The following EPAS1 variants were observed in gnomAD, a reference collection of about 807,000 sequenced individuals.
EPAS1 encodes the protein endothelial PAS domain protein 1.
In EPAS1, 23 loss-of-function variants were observed where a neutral mutation model predicts 87.9. That is an observed-to-expected ratio of 0.26 (90% CI 0.19 to 0.37). The LOEUF is 0.37. EPAS1 is among the 10% of genes least tolerant of loss of function. The pLI, the probability that EPAS1 is intolerant of heterozygous loss-of-function variation, is 1.00. For synonymous variants in EPAS1, 508 were observed against 444.3 expected, an observed-to-expected ratio of 1.14 and a Z score of -1.80; for missense variants, 1,138 against 1,120.7, an observed-to-expected ratio of 1.02 and a Z score of -0.22.
intron 1 of EPAS1, among the ~76,000 whole-genome samples, chr2:46,316,322 A>T (rs1683315177): frequency 6.6e-6 from 1 of 151,844 alleles, no homozygotes; most frequent in Non-Finnish European, 1.5e-5. Flanking sequence ...GCAATGGGGC[A>T]ATCTTAGCTC....
At chr2:46,344,951 A>C (rs977770907) in intron 1 of EPAS1, among the ~76,000 whole-genome samples, 3 of 152,216 alleles carry the variant, frequency 2.0e-5, no homozygotes, top group South Asian at 2.1e-4. Context: ...CCAAATCTTG[A>C]GGGATTTGAG....
At chr2:46,343,692 G>A (rs765292887) in intron 1 of EPAS1, among the ~76,000 whole-genome samples, 7 of 152,224 alleles carry the variant, frequency 4.6e-5, no homozygotes, top group Non-Finnish European at 1.0e-4. Context: ...GAACCAAGAG[G>A]CTGCCTAAGA....
chr2:46,374,443 T>C (rs777693789), intron 7 of EPAS1, among the ~76,000 whole-genome samples: 7 of 152,254 alleles, frequency 4.6e-5, no homozygotes, highest in Non-Finnish European at 7.3e-5. Flanking sequence ...TCAACACTTA[T>C]GTACCTGATA....
At position 46,366,823 on chromosome 2, in the gene EPAS1, G is replaced by A. The variant is rs918745471; in HGVS notation, c.780-3004G>A. On this transcript the variant is annotated intron_variant, in intron 6 of 15. Transcript: ENST00000263734. The stretch of plus-strand genomic sequence containing the variant: ...TGTCTGGAGCCTGGGGGAAATGAGC[G>A]GGGAAGGCCCTTGTGTGCCGTAGGA... Among the ~76,000 whole-genome samples the A allele has an allele frequency of 5.3e-5, 8 of 152,364 alleles. No individual in the cohort carries two copies. The South Asian group carries it at 6.2e-4, about 12-fold the overall frequency.
intron 9 of EPAS1, among the ~76,000 whole-genome samples, chr2:46,377,528 C>G (rs1363306899): frequency 6.6e-6 from 1 of 152,212 alleles, no homozygotes; most frequent in African/African-American, 2.4e-5. Flanking sequence ...CAGTAGGTCT[C>G]GCGGCTTGTT....
rs76719506 is a variant in EPAS1, at chr2:46,330,430, T to G, written c.27-16443T>G. ...AGGCTACCTTCTGCCCAGCACCTAC[T>G]TAGTGTAGCTTATCTTTTAAAATAA... On this transcript the variant is annotated intron_variant, in intron 1 of 15. Coordinates refer to ENST00000263734, the MANE Select transcript of EPAS1 (RefSeq NM_001430.5). Among the ~76,000 whole-genome samples, 96 of 152,324 alleles carry G rather than the reference T, an allele frequency of 6.3e-4. 2 individuals are homozygous for G. The East Asian group carries it at 0.018, about 29-fold the overall frequency.
chr2:46,338,087 G>C (rs1007911493), intron 1 of EPAS1, among the ~76,000 whole-genome samples: 3 of 152,188 alleles, frequency 2.0e-5, no homozygotes, highest in Non-Finnish European at 4.4e-5. Context: ...TGAGGGACTT[G>C]CTTATTGGCC....
chr2:46,365,339 T>C (rs977971002), intron 6 of EPAS1, among the ~76,000 whole-genome samples: 1 of 152,216 alleles, frequency 6.6e-6, no homozygotes, highest in Non-Finnish European at 1.5e-5. Flanking sequence ...TGTTTTGTCA[T>C]TGCATTTAGG....
chr2:46,322,524 G>T (rs1422847127), intron 1 of EPAS1, among the ~76,000 whole-genome samples: 1 of 152,218 alleles, frequency 6.6e-6, no homozygotes, highest in East Asian at 1.9e-4. Context: ...CCGCAGGTCT[G>T]AGGTGGAGCC....
intron 1 of EPAS1, among the ~76,000 whole-genome samples, chr2:46,319,989 C>G (rs532843166): frequency 2.2e-4 from 33 of 152,262 alleles, no homozygotes; most frequent in Non-Finnish European, 3.8e-4. Context: ...CGGCAGAATG[C>G]GAGGATTTTT....
chr2:46,382,127 C>T, intron 14 of EPAS1, 38 bp downstream of exon 14: 1 of 1,591,452 alleles, frequency 6.3e-7, no homozygotes, highest in Non-Finnish European at 8.6e-7. Context: ...CCTGGGGGTT[C>T]TGGTGGAAGG....
Position 46,384,767 on chromosome 2 carries a change from C to G in EPAS1, c.*107C>G. 1.4e-6 allele frequency: 2 copies of G among 1,452,786 alleles called. No homozygotes were observed. The highest frequency in any genetic ancestry group is 1.2e-5 in the South Asian group (1 of 82,236). The allele number at this position is 1,452,786 out of a possible 1,614,324, so 90.0% of individuals were successfully genotyped here. A position where few individuals can be genotyped will look rare whatever the true frequency, so the allele number is the denominator to read the frequency against. On this transcript the variant is annotated 3_prime_UTR_variant, in exon 16 of 16. Transcript: ENST00000263734. The stretch of plus-strand genomic sequence containing the variant: ...ATTTCTAACGCCAGCACACTATTTA[C>G]AAGATGGACTTACCTGGCAGACTTG...
intron 2 of EPAS1, among the ~76,000 whole-genome samples, chr2:46,354,387 A>T (rs760418729): frequency 1.4e-4 from 21 of 152,114 alleles, no homozygotes; most frequent in Non-Finnish European, 1.6e-4. Context: ...GCACTGGATA[A>T]ATACAAATTT....
chr2:46,319,009 C>T (rs994292730), intron 1 of EPAS1, among the ~76,000 whole-genome samples: 3 of 152,206 alleles, frequency 2.0e-5, no homozygotes, highest in Admixed American at 6.5e-5. Flanking sequence ...CCAGCCCAAG[C>T]TTATTTTCAG....
chr2:46,378,153 T>G, intron 10 of EPAS1, 66 bp downstream of exon 10: 2 of 1,538,624 alleles, frequency 1.3e-6, no homozygotes, highest in Admixed American at 3.9e-5. Context: ...GCCAGATGGC[T>G]GAAGGGACAT....
chr2:46,376,982 G>A (rs1684765465), intron 9 of EPAS1, among the ~76,000 whole-genome samples: 1 of 152,176 alleles, frequency 6.6e-6, no homozygotes, highest in Non-Finnish European at 1.5e-5. Context: ...AGTGCTGTAC[G>A]AGGAGGGGTT....
chr2:46,368,450 G>T (rs933962855), intron 6 of EPAS1, among the ~76,000 whole-genome samples: 1 of 152,184 alleles, frequency 6.6e-6, no homozygotes, highest in Non-Finnish European at 1.5e-5. Flanking sequence ...AGTAGGTTCT[G>T]GGGGGACTTG....
chr2:46,347,524 T>G lies in EPAS1; in HGVS notation c.217+461T>G. The G allele has an allele frequency of 4.0e-6, 1 of 251,122 alleles. No homozygotes were observed. The allele number at this position is 251,122 out of a possible 1,614,324, so 15.6% of individuals were successfully genotyped here. A position where few individuals can be genotyped will look rare whatever the true frequency, so the allele number is the denominator to read the frequency against. ...AAGCCAGTTAGGCCAAGTAAATCATTTAGTCTCTCTGAACATTGGTTTCCT... is the reference window on the plus strand; with the variant it reads ...AAGCCAGTTAGGCCAAGTAAATCATGTAGTCTCTCTGAACATTGGTTTCCT... On this transcript the variant is annotated intron_variant, in intron 2 of 15. Transcript: ENST00000263734. This position sits in a 1 kb window ranked among gnomAD's most constrained non-coding sequence, Gnocchi z 4.2.
Position 46,382,473 on chromosome 2 carries a change from A to C in EPAS1, c.2336A>C (p.His779Pro). Reference sequence around the variant, plus strand: ...AGGGGCCTGGGCCATCCCCTGAGACATCTGCCGCTGCCACAGCCTCCATCT... The same window carrying C: ...AGGGGCCTGGGCCATCCCCTGAGACCTCTGCCGCTGCCACAGCCTCCATCT... ...PMRGLGHPLR[H>P]LPLPQPPSAI... The change falls in exon 15 of 16, where the codon CAT becomes CCT. Residue 779 changes from histidine to proline, a missense_variant. By Grantham distance (77) the His-to-Pro change is moderately conservative (BLOSUM62 -2). Around this residue, in one of 4 missense-constraint regions of EPAS1, gnomAD observed 502 missense variants for 427.1 expected, o/e 1.18. Transcript: ENST00000263734. The C allele has an allele frequency of 6.2e-7, 1 of 1,614,172 alleles. No homozygotes were observed. Among genetic ancestry groups the C allele is most frequent in the Non-Finnish European group, 8.5e-7 (1 of 1,180,044 alleles).
Sources: allele counts gnomAD v4.1 joint callset (sites outside exome capture counted in the v4.1 genomes callset), GRCh38; gene constraint gnomAD v4.1.1; regional missense constraint gnomAD v4.1.1; non-coding constraint Gnocchi (gnomAD v3.1); transcripts MANE v1.5; gene names NCBI Gene and HGNC (gene_info 2026-07-23, HGNC 2026-07-21).